The following SPATA16 variants were observed in gnomAD, a reference collection of about 807,000 sequenced individuals.
SPATA16 encodes spermatogenesis-associated protein 16.
A neutral mutation model predicts 63.3 loss-of-function variants in SPATA16; 36 were observed. The observed-to-expected ratio is 0.57, with a 90% confidence interval of 0.44 to 0.75. The LOEUF is 0.75. SPATA16 is among the 30% of genes least tolerant of loss of function. SPATA16 has a pLI of 0.00. For missense variants in SPATA16, 646 were observed against 679.3 expected (o/e 0.95, Z 0.54); for synonymous variants, 203 against 216.7 (o/e 0.94, Z 0.56).
intron 2 of SPATA16, among the ~76,000 whole-genome samples, chr3:173,099,501 A>G (rs1737440694): frequency 6.6e-6 from 1 of 152,176 alleles, no homozygotes; most frequent in Admixed American, 6.6e-5. Context: ...TCCTGAGGAT[A>G]AAGGTAGACT....
At chr3:172,956,941 A>G in intron 5 of SPATA16, 117 bp from the exon 6 acceptor site, 1 of 1,256,814 alleles carries the variant, frequency 8.0e-7, no homozygotes, top group Non-Finnish European at 1.1e-6. Context: ...TACTGCAAAG[A>G]TAACATATTT....
At chr3:172,911,255 A>G (rs894626871) in intron 10 of SPATA16, among the ~76,000 whole-genome samples, 2 of 152,158 alleles carry the variant, frequency 1.3e-5, no homozygotes, top group Non-Finnish European at 2.9e-5. Flanking sequence ...CACTTCCCAT[A>G]GCACCGGTGG....
intron 2 of SPATA16, among the ~76,000 whole-genome samples, chr3:173,100,116 A>C (rs1372299489): frequency 6.6e-6 from 1 of 152,092 alleles, no homozygotes; most frequent in East Asian, 1.9e-4. Flanking sequence ...ATATACAATA[A>C]CTCAGTTTTA....
At chr3:172,907,558 A>C (rs1395927493) in intron 10 of SPATA16, among the ~76,000 whole-genome samples, 2 of 149,926 alleles carry the variant, frequency 1.3e-5, no homozygotes, top group African/African-American at 4.9e-5. Flanking sequence ...GGCACACTCC[A>C]ATCTCAGGTT....
chr3:172,964,291 A>G (rs933853523), intron 5 of SPATA16, among the ~76,000 whole-genome samples: 10 of 152,304 alleles, frequency 6.6e-5, no homozygotes, highest in African/African-American at 2.4e-4. Flanking sequence ...AGCTTATTTA[A>G]TGGCAAAACA....
intron 2 of SPATA16, among the ~76,000 whole-genome samples, chr3:173,053,191 A>G (rs953022335): frequency 6.6e-6 from 1 of 152,184 alleles, no homozygotes; most frequent in Non-Finnish European, 1.5e-5. Context: ...CCCCGTCTGT[A>G]CTAAAAATAC....
At chr3:173,051,586 C>T (rs1017840521) in intron 2 of SPATA16, among the ~76,000 whole-genome samples, 6 of 152,168 alleles carry the variant, frequency 3.9e-5, no homozygotes, top group Admixed American at 2.6e-4. Flanking sequence ...ATCTGCTCGC[C>T]TCAGTCTCCC....
In SPATA16 at chr3:173,098,646, G is replaced by GT. The variant is rs146849521; in HGVS notation, c.612+18473dup. On this transcript the variant is annotated intron_variant, in intron 2 of 10. Coordinates refer to ENST00000351008, the MANE Select transcript of SPATA16 (RefSeq NM_031955.6). ...ATCATATTGAAGGCCATTGATAAGTGTTAAAAAATGAAGAATTAGAAGAGC... is the reference window on the plus strand; with the variant it reads ...ATCATATTGAAGGCCATTGATAAGTGTTTAAAAAATGAAGAATTAGAAGAGC... 5.3e-3 allele frequency among the ~76,000 whole-genome samples: 810 copies of GT among 152,212 alleles called. 5 individuals are homozygous for GT. Among genetic ancestry groups the GT allele is most frequent in the African/African-American group, 0.019 (776 of 41,544 alleles).
intron 1 of SPATA16, among the ~76,000 whole-genome samples, chr3:173,119,830 C>T (rs1375656327): frequency 1.3e-5 from 2 of 152,062 alleles, no homozygotes; most frequent in Non-Finnish European, 2.9e-5. Flanking sequence ...TGGCCAGGCG[C>T]GATGGCTTGG....
intron 1 of SPATA16, among the ~76,000 whole-genome samples, chr3:173,131,101 A>G (rs2108347741): frequency 6.6e-6 from 1 of 152,362 alleles, no homozygotes. Flanking sequence ...ATCCACTAAT[A>G]TTTCCCCAGT....
chr3:172,908,931 G>A (rs1356211474), intron 10 of SPATA16, among the ~76,000 whole-genome samples: 1 of 152,064 alleles, frequency 6.6e-6, no homozygotes, highest in African/African-American at 2.4e-5. Flanking sequence ...TTGTCTGAAA[G>A]TGATACAATC....
intron 6 of SPATA16, among the ~76,000 whole-genome samples, chr3:172,952,648 GAA>G (rs1560077164): frequency 6.6e-6 from 1 of 152,096 alleles, no homozygotes; most frequent in Non-Finnish European, 1.5e-5. Flanking sequence ...GAGGTAAAAA[GAA>G]AAGAGTTTGG....
intron 2 of SPATA16, among the ~76,000 whole-genome samples, chr3:173,093,361 C>T (rs1042743776): frequency 6.6e-6 from 1 of 152,052 alleles, no homozygotes; most frequent in South Asian, 2.1e-4. Context: ...ATGCCATGTA[C>T]TGTCACAGTA....
At chr3:173,107,261 A>AT (rs138820224) in intron 2 of SPATA16, among the ~76,000 whole-genome samples, 5,827 of 152,226 alleles carry the variant, frequency 0.038, 364 homozygotes, top group African/African-American at 0.13. Flanking sequence ...TCAATGATCA[A>AT]TATTCATAGG....
At chr3:173,047,589 T>G (rs1478084794) in intron 3 of SPATA16, among the ~76,000 whole-genome samples, 2 of 152,062 alleles carry the variant, frequency 1.3e-5, no homozygotes. Context: ...CAAATATTTT[T>G]TAGTCTGTAA....
chr3:172,985,544 C>G (rs1376757415), intron 4 of SPATA16, among the ~76,000 whole-genome samples: 2 of 152,122 alleles, frequency 1.3e-5, no homozygotes, highest in African/African-American at 4.8e-5. Context: ...CACAAAGAAC[C>G]TTGCAAATGT....
At chr3:172,997,942 C>G (rs983987805) in intron 4 of SPATA16, among the ~76,000 whole-genome samples, 77 of 152,202 alleles carry the variant, frequency 5.1e-4, no homozygotes, top group African/African-American at 1.8e-3. Context: ...ATTACTGTAG[C>G]TTTATAGTAA....
chr3:173,092,528 A>G (rs1577170386), intron 2 of SPATA16, among the ~76,000 whole-genome samples: 1 of 152,162 alleles, frequency 6.6e-6, no homozygotes, highest in African/African-American at 2.4e-5. Context: ...TGAATGTGAA[A>G]TAGAGATACA....
intron 2 of SPATA16, among the ~76,000 whole-genome samples, chr3:173,112,790 G>C (rs1737782316): frequency 6.6e-6 from 1 of 152,220 alleles, no homozygotes; most frequent in Non-Finnish European, 1.5e-5. Context: ...GAAAGTTCTG[G>C]TTGGTAATGG....
Sources: allele counts gnomAD v4.1 joint callset (sites outside exome capture counted in the v4.1 genomes callset), GRCh38; gene constraint gnomAD v4.1.1; transcripts MANE v1.5; gene names NCBI Gene and HGNC (gene_info 2026-07-23, HGNC 2026-07-21).